The following PPM1H variants were observed in gnomAD, a reference collection of about 807,000 sequenced individuals.
The protein encoded by PPM1H is protein phosphatase 1H.
PPM1H carries 27 observed loss-of-function variants against 54.9 expected under a neutral mutation model. That is an observed-to-expected ratio of 0.49 (90% confidence interval 0.36 to 0.68). The LOEUF is 0.68. Ranked by LOEUF, PPM1H falls within the 30% of genes least tolerant of loss-of-function variation. The pLI, the probability that PPM1H is intolerant of heterozygous loss-of-function variation, is 0.00. For synonymous variants in PPM1H, 305 were observed against 270.8 expected (o/e 1.13, Z -1.24); for missense variants, 596 against 667.8 (o/e 0.89, Z 1.19).
intron 4 of PPM1H, among the ~76,000 whole-genome samples, chr12:62,786,799 T>C (rs750715612): frequency 6.6e-6 from 1 of 152,218 alleles, no homozygotes; most frequent in Non-Finnish European, 1.5e-5. Flanking sequence ...ATACTTCCAT[T>C]TACTGGGCAG....
At chr12:62,854,092 G>A (rs777490878) in intron 1 of PPM1H, among the ~76,000 whole-genome samples, 5 of 152,028 alleles carry the variant, frequency 3.3e-5, no homozygotes, top group East Asian at 1.9e-4. Context: ...AACAAAAACC[G>A]TCATTTTCTG....
chr12:62,662,669 G>A (rs374281172), intron 9 of PPM1H, among the ~76,000 whole-genome samples: 4 of 152,068 alleles, frequency 2.6e-5, no homozygotes, highest in Non-Finnish European at 4.4e-5. Context: ...AATTCAACTC[G>A]GGAAGTAATT....
At chr12:62,756,550 T>A (rs4026220) in intron 4 of PPM1H, among the ~76,000 whole-genome samples, 1 of 152,058 alleles carries the variant, frequency 6.6e-6, no homozygotes, top group African/African-American at 2.4e-5. Context: ...TTTATAAATA[T>A]ACAAAATAAA....
chr12:62,756,258 G>A (rs952191000), intron 4 of PPM1H: 13 of 696,820 alleles, frequency 1.9e-5, no homozygotes, highest in African/African-American at 3.5e-5. Flanking sequence ...CAACCCCAGC[G>A]AGAGCGAGAG....
chr12:62,801,077 T>C (rs1438969033), intron 3 of PPM1H, among the ~76,000 whole-genome samples: 1 of 152,200 alleles, frequency 6.6e-6, no homozygotes, highest in African/African-American at 2.4e-5. Context: ...ACATTCCCAG[T>C]TGTGGTAAAA....
intron 2 of PPM1H, among the ~76,000 whole-genome samples, chr12:62,819,290 C>T (rs1213771306): frequency 2.6e-5 from 4 of 151,622 alleles, no homozygotes; most frequent in African/African-American, 7.3e-5. Flanking sequence ...CCACTGCACC[C>T]GGCTAATTTT....
intron 2 of PPM1H, among the ~76,000 whole-genome samples, chr12:62,809,242 G>C (rs909252049): frequency 6.6e-6 from 1 of 152,014 alleles, no homozygotes; most frequent in African/African-American, 2.4e-5. Flanking sequence ...GTAGAGACAG[G>C]GTTTCACCAT....
intron 1 of PPM1H, among the ~76,000 whole-genome samples, chr12:62,908,422 A>AAAAAAAAAAAAAAG (rs1284923713): frequency 8.9e-5 from 12 of 134,172 alleles, no homozygotes; most frequent in Non-Finnish European, 1.6e-4. Context: ...AAAAAAAAAA[A>AAAAAAAAAAAAAAG]AAAGAAAGAA....
chr12:62,890,713 T>C (rs904671993), intron 1 of PPM1H, among the ~76,000 whole-genome samples: 3 of 119,966 alleles, frequency 2.5e-5, no homozygotes, highest in African/African-American at 3.9e-5. Flanking sequence ...TTCGTGTGTG[T>C]GTATACACAC....
At chr12:62,758,486 A>G (rs1565780030) in intron 4 of PPM1H, among the ~76,000 whole-genome samples, 1 of 152,132 alleles carries the variant, frequency 6.6e-6, no homozygotes, top group African/African-American at 2.4e-5. Flanking sequence ...GATGACCTAC[A>G]ATGCACATGC....
chr12:62,771,265 C>G (rs2076578066), intron 4 of PPM1H, among the ~76,000 whole-genome samples: 1 of 141,528 alleles, frequency 7.1e-6, no homozygotes, highest in Admixed American at 7.4e-5. Context: ...TGTCCCAAAG[C>G]AACTAAATTA....
chr12:62,700,227 C>A (rs1162711879), intron 6 of PPM1H, among the ~76,000 whole-genome samples: 1 of 152,150 alleles, frequency 6.6e-6, no homozygotes, highest in African/African-American at 2.4e-5. Context: ...TAGCTCACTT[C>A]CTGCTGACCT....
intron 7 of PPM1H, among the ~76,000 whole-genome samples, chr12:62,690,711 C>T (rs2076078012): frequency 6.6e-6 from 1 of 152,196 alleles, no homozygotes; most frequent in Non-Finnish European, 1.5e-5. Context: ...GTGGCTCTTG[C>T]CTGTAATCCC....
intron 2 of PPM1H, among the ~76,000 whole-genome samples, chr12:62,821,668 A>G (rs998962191): frequency 6.6e-6 from 1 of 152,218 alleles, no homozygotes; most frequent in African/African-American, 2.4e-5. Context: ...ACTAAGCTTC[A>G]TAAGTGAAGG....
At chr12:62,740,906 G>A (rs548772369) in intron 4 of PPM1H, among the ~76,000 whole-genome samples, 3 of 152,196 alleles carry the variant, frequency 2.0e-5, no homozygotes, top group Non-Finnish European at 4.4e-5. Context: ...CTTAATATCT[G>A]CTGCATGGAT....
Position 62,919,711 on chromosome 12 carries a change from G to T in PPM1H, c.245+14781C>A, listed in dbSNP as rs574881496. Among the ~76,000 whole-genome samples the T allele has an allele frequency of 8.5e-5, 13 of 152,266 alleles. No homozygotes were observed. The South Asian group carries it at 2.7e-3, about 32-fold the overall frequency. On this transcript the variant is annotated intron_variant, in intron 1 of 9. Transcript: ENST00000228705. Reference sequence around the variant, plus strand: ...ATGATGTTGAGAAGGTTGGGAACCAGGACTTGAGGAATTTACAGCACAAGT... The same window carrying T: ...ATGATGTTGAGAAGGTTGGGAACCATGACTTGAGGAATTTACAGCACAAGT...
At chr12:62,806,561 T>C (rs2076806782) in intron 2 of PPM1H, among the ~76,000 whole-genome samples, 1 of 152,124 alleles carries the variant, frequency 6.6e-6, no homozygotes, top group African/African-American at 2.4e-5. Flanking sequence ...GGTGACTGCA[T>C]CATGGGGGTG....
At chr12:62,690,190 A>G (rs2076075516) in intron 7 of PPM1H, among the ~76,000 whole-genome samples, 1 of 152,138 alleles carries the variant, frequency 6.6e-6, no homozygotes, top group Non-Finnish European at 1.5e-5. Context: ...CCATCCATCC[A>G]TCCATCCATC....
In PPM1H at chr12:62,874,160, T is replaced by C. The variant is rs556782424; in HGVS notation, c.246-41881A>G. On this transcript the variant is annotated intron_variant, in intron 1 of 9. Coordinates refer to ENST00000228705, the MANE Select transcript of PPM1H (RefSeq NM_020700.2). ...GAAGACTTTTCACAAGGGAATGTTA[T>C]AATCTGACTTACATTCTTAAAAGTG... is the stretch of plus-strand genomic sequence containing the variant. 3.3e-5 allele frequency among the ~76,000 whole-genome samples: 5 copies of C among 152,326 alleles called. No homozygotes were observed. In the East Asian group the frequency reaches 7.7e-4, roughly 23 times the overall value.
Sources: allele counts gnomAD v4.1 joint callset (sites outside exome capture counted in the v4.1 genomes callset), GRCh38; gene constraint gnomAD v4.1.1; transcripts MANE v1.5; gene names NCBI Gene and HGNC (gene_info 2026-07-23, HGNC 2026-07-21).